EBAG9: variants seen among roughly 807,000 people sequenced by gnomAD.
EBAG9 encodes receptor-binding cancer antigen expressed on SiSo cells.
EBAG9 carries 16 observed loss-of-function variants against 30.9 expected under a neutral mutation model. The observed-to-expected ratio is 0.52, with a 90% CI of 0.35 to 0.79. The LOEUF is 0.79. EBAG9 is among the 30% of genes least tolerant of loss of function. The probability of loss-of-function intolerance (pLI) is 0.01; values close to 1 mark genes in which losing one functional copy is unlikely to be tolerated. For missense variants in EBAG9, 197 were observed against 242.1 expected (o/e 0.81, Z 1.24); for synonymous variants, 93 against 82.8 (o/e 1.12, Z -0.67).
chr8:109,543,135 CTTTTTTTTTT>C (rs557388998), intron 1 of EBAG9, among the ~76,000 whole-genome samples: 68 of 52,880 alleles, frequency 1.3e-3, no homozygotes, highest in South Asian at 4.5e-3. Flanking sequence ...TATTCTGGTT[CTTTTTTTTTT>C]TTTTTTTTTT....
At chr8:109,540,112 G>C (rs534138845), upstream of EBAG9, 1 of 152,464 alleles carries the variant, frequency 6.6e-6, no homozygotes, top group Non-Finnish European at 1.5e-5. Context: ...GCTGCTCTGG[G>C]TACTGTTTCC....
intron 1 of EBAG9, among the ~76,000 whole-genome samples, chr8:109,546,521 C>T (rs1296302684): frequency 5.3e-5 from 8 of 152,194 alleles, no homozygotes; most frequent in Non-Finnish European, 1.0e-4. Flanking sequence ...TATAATTTCT[C>T]GAGCAACCTT....
chr8:109,553,847 A>C lies in EBAG9; in HGVS notation c.84-18A>C. ...GTTTTGGTGGTTCTTGAAATAAATTATTTCATTTTTGTTTCAGATCTGGCA... is the reference window on the plus strand; with the variant it reads ...GTTTTGGTGGTTCTTGAAATAAATTCTTTCATTTTTGTTTCAGATCTGGCA... On this transcript the variant is annotated intron_variant, in intron 2 of 6. Coordinates refer to ENST00000337573, the MANE Select transcript of EBAG9 (RefSeq NM_004215.5). 6.3e-7 allele frequency: 1 copy of C among 1,592,316 alleles called. No homozygotes were observed. The highest frequency in any genetic ancestry group is 8.5e-7 in the Non-Finnish European group (1 of 1,170,016).
Position 109,564,575 on chromosome 8 carries a change from T to C in EBAG9, c.*16T>C, listed in dbSNP as rs1280890009. 1 of 1,610,422 alleles carries C rather than the reference T, an allele frequency of 6.2e-7. No homozygotes were observed. The highest frequency in any genetic ancestry group is 8.5e-7 in the Non-Finnish European group (1 of 1,177,732). ...ACTTTCATAACACATGTTCAAATTT[T>C]ATCATGCCAGTAGGAGAAATCTCAG... On this transcript the variant is annotated 3_prime_UTR_variant, in exon 7 of 7. Transcript: ENST00000337573.
chr8:109,561,973 A>C (rs554576660), intron 6 of EBAG9, among the ~76,000 whole-genome samples: 46 of 140,684 alleles, frequency 3.3e-4, no homozygotes, highest in African/African-American at 1.2e-3. Context: ...TTTAAAATTT[A>C]GTTCTTATTT....
upstream of EBAG9, chr8:109,539,844 G>A (rs1586681998): frequency 6.6e-6 from 1 of 152,222 alleles, no homozygotes; most frequent in Admixed American, 6.5e-5. Context: ...CAGCGCGCGT[G>A]AGCGCGCCTT....
intron 6 of EBAG9, among the ~76,000 whole-genome samples, chr8:109,562,395 C>T (rs1821728703): frequency 6.6e-6 from 1 of 151,936 alleles, no homozygotes; most frequent in African/African-American, 2.4e-5. Flanking sequence ...ATTGTTAATC[C>T]GTAATAGACA....
At chr8:109,564,058 G>A (rs548343827) in intron 6 of EBAG9, among the ~76,000 whole-genome samples, 2 of 152,096 alleles carry the variant, frequency 1.3e-5, no homozygotes, top group East Asian at 3.9e-4. Context: ...TTTCTGAATG[G>A]TATCCCCAGA....
At chr8:109,561,140 A>G (rs1263492739) in intron 6 of EBAG9, among the ~76,000 whole-genome samples, 2 of 151,708 alleles carry the variant, frequency 1.3e-5, no homozygotes, top group Non-Finnish European at 2.9e-5. Flanking sequence ...TAAGCTCTAT[A>G]GGAACAAAAT....
chr8:109,557,183 A>T (rs1199195814), intron 5 of EBAG9, 141 bp downstream of exon 5: 1 of 471,760 alleles, frequency 2.1e-6, no homozygotes, highest in African/African-American at 2.0e-5. Context: ...GATAGAAGTT[A>T]ATCTGGAGTT....
chr8:109,561,439 C>T (rs1343039529), intron 6 of EBAG9, among the ~76,000 whole-genome samples: 1 of 151,520 alleles, frequency 6.6e-6, no homozygotes, highest in Non-Finnish European at 1.5e-5. Context: ...ACCCATTCTG[C>T]AAAAAAATAC....
chr8:109,542,940 T>C (rs1207672946), intron 1 of EBAG9, among the ~76,000 whole-genome samples: 1 of 152,078 alleles, frequency 6.6e-6, no homozygotes, highest in African/African-American at 2.4e-5. Context: ...TTATGCTAGA[T>C]AGATTACAGT....
At chr8:109,549,140 TC>T (rs1821444979) in intron 1 of EBAG9, among the ~76,000 whole-genome samples, 1 of 151,876 alleles carries the variant, frequency 6.6e-6, no homozygotes, top group Non-Finnish European at 1.5e-5. Flanking sequence ...AAAGGCTTTT[TC>T]TGTCTCTATT....
chr8:109,552,803 A>G (rs577159482), intron 2 of EBAG9, among the ~76,000 whole-genome samples: 4 of 152,150 alleles, frequency 2.6e-5, no homozygotes, highest in African/African-American at 4.8e-5. Context: ...GTATTTTAAA[A>G]TACCAGACTT....
intron 1 of EBAG9, among the ~76,000 whole-genome samples, chr8:109,542,759 A>G (rs551812732): frequency 2.6e-4 from 40 of 152,238 alleles, no homozygotes; most frequent in African/African-American, 9.4e-4. Flanking sequence ...TTACTTTGCA[A>G]ATGGTAACTG....
chr8:109,552,783 C>T (rs1821519349), intron 2 of EBAG9, among the ~76,000 whole-genome samples: 1 of 151,970 alleles, frequency 6.6e-6, no homozygotes, highest in African/African-American at 2.4e-5. Context: ...CTGAAGGAAC[C>T]TTAGACCATG....
At position 109,541,322 on chromosome 8, in the gene EBAG9, C is replaced by G. The variant is rs534705634; in HGVS notation, c.-16+861C>G. On this transcript the variant is annotated intron_variant, in intron 1 of 6. Coordinates refer to ENST00000337573, the MANE Select transcript of EBAG9 (RefSeq NM_004215.5). ...GTGATCTAGAGGGCATTTCAAAAAT[C>G]GCACTGAGGCAATGTGCACACAATT... is the stretch of plus-strand genomic sequence containing the variant. Among the ~76,000 whole-genome samples the G allele has an allele frequency of 1.2e-3, 182 of 152,242 alleles. 2 individuals carry two copies. The highest frequency in any genetic ancestry group is 2.1e-4 in the South Asian group (1 of 4,826).
chr8:109,564,731 T>C lies in EBAG9; in HGVS notation c.*172T>C. 1 of 883,340 alleles carries C rather than the reference T, an allele frequency of 1.1e-6. No homozygotes were observed. Among genetic ancestry groups the C allele is most frequent in the Non-Finnish European group, 1.6e-6 (1 of 613,172 alleles). 54.7% of individuals were successfully genotyped at this position (883,340 alleles called of 1,614,324 possible). On this transcript the variant is annotated 3_prime_UTR_variant, in exon 7 of 7. Coordinates refer to ENST00000337573, the MANE Select transcript of EBAG9 (RefSeq NM_004215.5). ...CAAAGTACCTTGAACTCTTAGTGAT[T>C]GAGACTCAAAAAAACAAAAAAGACT...
intron 1 of EBAG9, among the ~76,000 whole-genome samples, chr8:109,542,500 A>G (rs1328595248): frequency 3.3e-5 from 5 of 152,204 alleles, no homozygotes. Context: ...TCTTCACAAC[A>G]TACTGATAGA....
Sources: allele counts gnomAD v4.1 joint callset (sites outside exome capture counted in the v4.1 genomes callset), GRCh38; gene constraint gnomAD v4.1.1; transcripts MANE v1.5; gene names NCBI Gene and HGNC (gene_info 2026-07-23, HGNC 2026-07-21).